Variants in CAPN3 observed in about 807,000 individuals in gnomAD.
CAPN3 encodes calpain-3.
CAPN3 carries 88 observed loss-of-function variants against 114.0 expected under a neutral mutation model. That is an observed-to-expected ratio of 0.77 (90% CI 0.65 to 0.92). CAPN3 has a LOEUF of 0.92. Ranked by LOEUF, CAPN3 falls within the 40% of genes least tolerant of loss-of-function variation. CAPN3 has a pLI of 0.00. For synonymous variants in CAPN3, 386 were observed against 382.9 expected (o/e 1.01, Z -0.09); for missense variants, 1,028 against 1,069.0 (o/e 0.96, Z 0.53).
At chr15:42,408,776 T>G (rs1363900931) in intron 16 of CAPN3, 2 of 328,342 alleles carry the variant, frequency 6.1e-6, no homozygotes, top group Admixed American at 8.3e-5. Flanking sequence ...TTAGTGGAGG[T>G]GAGCCTTAGA....
chr15:42,366,528 T>C (rs2052780498), intron 1 of CAPN3, among the ~76,000 whole-genome samples: 1 of 152,240 alleles, frequency 6.6e-6, no homozygotes, highest in African/African-American at 2.4e-5. Flanking sequence ...TGTGCTCACT[T>C]TCTGAACCCT....
intron 12 of CAPN3, 24 bp downstream of exon 12, chr15:42,402,159 A>G (rs780360627): frequency 1.7e-5 from 28 of 1,614,036 alleles, no homozygotes; most frequent in Non-Finnish European, 2.4e-5. Flanking sequence ...AGCGGCCAGC[A>G]GTTGTGTGCA....
chr15:42,381,038 C>A (rs1566972482), intron 1 of CAPN3, among the ~76,000 whole-genome samples: 1 of 152,116 alleles, frequency 6.6e-6, no homozygotes, highest in East Asian at 1.9e-4. Context: ...TAACAGAGAA[C>A]AAAGTATTAC....
In CAPN3 at chr15:42,399,603, G is replaced by C. The variant is rs747596881; in HGVS notation, c.1305G>C (p.Glu435Asp). ...KLQTWTVSVN[E>D]GRWVRGCSAG... ...AGACCTGGACAGTGTCTGTGAACGAGGGCCGCTGGGTACGGGGTTGCTCTG... is the reference window on the plus strand; with the variant it reads ...AGACCTGGACAGTGTCTGTGAACGACGGCCGCTGGGTACGGGGTTGCTCTG... Residue 435 changes from glutamate (E) to aspartate (D), a missense_variant, in exon 10 of 24, where the codon GAG becomes GAC. Transcript: ENST00000397163. The C allele has an allele frequency of 1.4e-5, 22 of 1,613,650 alleles. No individual in the cohort carries two copies. The highest frequency in any genetic ancestry group is 1.9e-5 in the Non-Finnish European group (22 of 1,179,900).
At chr15:42,403,698 C>T (rs553235091) in intron 13 of CAPN3, 43 bp from the exon 14 acceptor site, 1 of 1,593,930 alleles carries the variant, frequency 6.3e-7, no homozygotes, top group South Asian at 1.1e-5. Context: ...CTCCTGCTTG[C>T]TTCTGGTGAC....
In CAPN3 at chr15:42,394,260, C is replaced by T. The variant is rs746311413; in HGVS notation, c.1034C>T (p.Pro345Leu). 7 of 1,556,574 alleles carry T rather than the reference C, an allele frequency of 4.5e-6. No homozygotes were observed. Among genetic ancestry groups the T allele is most frequent in the African/African-American group, 2.7e-5 (2 of 73,394 alleles). Residue 345 changes from proline to leucine, a missense_variant, in exon 8 of 24, where the codon CCG (proline) becomes CTG (leucine). Coordinates refer to ENST00000397163, the MANE Select transcript of CAPN3 (RefSeq NM_000070.3). Reference protein sequence around the residue: ...AYSVTGLDEVPFKGEKVKLVR... With the variant: ...AYSVTGLDEVLFKGEKVKLVR... The stretch of plus-strand genomic sequence containing the variant: ...AGCTCTTTCTGTGTGCTTAAGGTCC[C>T]GTTCAAAGGTGAGAAAGTGAAGCTG...
chr15:42,389,622 G>A (rs1260191840), intron 5 of CAPN3, among the ~76,000 whole-genome samples: 1 of 152,198 alleles, frequency 6.6e-6, no homozygotes, highest in Non-Finnish European at 1.5e-5. Context: ...CTCCTTCAGG[G>A]GGCATGCCTT....
chr15:42,387,911 G>A, intron 4 of CAPN3, 25 bp downstream of exon 4: 1 of 1,614,130 alleles, frequency 6.2e-7, no homozygotes, highest in Non-Finnish European at 8.5e-7. Flanking sequence ...AGAATGTGAG[G>A]TGGGGCTAGA....
chr15:42,380,752 T>TATATA (rs1491298329), intron 1 of CAPN3, among the ~76,000 whole-genome samples: 44 of 37,766 alleles, frequency 1.2e-3, no homozygotes, highest in African/African-American at 4.6e-3. Flanking sequence ...TATATATATA[T>TATATA]TTTTTTTTTT....
In CAPN3 at chr15:42,410,645, C is replaced by A. The variant is rs768090444; in HGVS notation, c.2242C>A (p.Arg748=). 6.2e-7 allele frequency: 1 copy of A among 1,613,648 alleles called. No homozygotes were observed. Among genetic ancestry groups the A allele is most frequent in the Non-Finnish European group, 8.5e-7 (1 of 1,179,854 alleles). ...QSGTINSYEM[R]NAVNDAGFHL... ...CGGCACCATCAACAGCTACGAGATGCGAAATGCAGTCAACGACGCAGGTGC... is the reference window on the plus strand; with the variant it reads ...CGGCACCATCAACAGCTACGAGATGAGAAATGCAGTCAACGACGCAGGTGC... The change falls in exon 21 of 24, where the codon CGA becomes AGA. Residue 748 remains arginine (R), a synonymous_variant. Transcript: ENST00000397163.
At chr15:42,391,262 T>C (rs1337947933) in intron 6 of CAPN3, among the ~76,000 whole-genome samples, 2 of 152,222 alleles carry the variant, frequency 1.3e-5, no homozygotes, top group Non-Finnish European at 2.9e-5. Context: ...TATTCTAAAA[T>C]GCTATAACGA....
chr15:42,411,399 G>A (rs1405192067), intron 23 of CAPN3, 54 bp downstream of exon 23: 21 of 1,511,322 alleles, frequency 1.4e-5, no homozygotes, highest in Non-Finnish European at 1.8e-5. Context: ...AAGGTGGAGG[G>A]GTCAACGGGG....
At chr15:42,361,466 A>T (rs2141105948) in intron 1 of CAPN3, among the ~76,000 whole-genome samples, 1 of 152,222 alleles carries the variant, frequency 6.6e-6, no homozygotes, top group East Asian at 1.9e-4. Flanking sequence ...AGTGAGACCC[A>T]GTCTCAAACA....
intron 8 of CAPN3, 127 bp downstream of exon 8, chr15:42,394,468 C>A: frequency 1.3e-6 from 1 of 796,780 alleles, no homozygotes; most frequent in East Asian, 2.7e-5. Context: ...AACCAATGAT[C>A]CGCAGAGAAG....
At chr15:42,384,000 C>T (rs1037235473) in intron 1 of CAPN3, among the ~76,000 whole-genome samples, 4 of 152,182 alleles carry the variant, frequency 2.6e-5, no homozygotes, top group Admixed American at 6.5e-5. Flanking sequence ...TGTCTTTGCA[C>T]GAGTTTCTTA....
intron 1 of CAPN3, among the ~76,000 whole-genome samples, chr15:42,361,448 G>T (rs1359198957): frequency 6.6e-6 from 1 of 152,120 alleles, no homozygotes; most frequent in African/African-American, 2.4e-5. Flanking sequence ...TCCAGGCTGG[G>T]TGACAGGAGT....
intron 1 of CAPN3, among the ~76,000 whole-genome samples, 155 bp downstream of exon 1, chr15:42,360,269 A>T (rs1002885288): frequency 1.3e-5 from 2 of 152,024 alleles, no homozygotes; most frequent in Non-Finnish European, 2.9e-5. Context: ...AGCAGGGAGG[A>T]GAGGAACAGG....
chr15:42,404,675 G>C lies in CAPN3; in HGVS notation c.1782+898G>C. 4.2e-6 allele frequency: 5 copies of C among 1,186,152 alleles called. No individual in the cohort carries two copies. In the South Asian group the frequency reaches 7.9e-5, roughly 19 times the overall value. The allele number at this position is 1,186,152 out of a possible 1,614,324, so 73.5% of individuals were successfully genotyped here. Reference sequence around the variant, plus strand: ...GTCTTGTGACTGCCTTGGGGCTTTGGGCTGTAGTCAGCTGACAGTCCTTTG... The same window carrying C: ...GTCTTGTGACTGCCTTGGGGCTTTGCGCTGTAGTCAGCTGACAGTCCTTTG... On this transcript the variant is annotated intron_variant, in intron 14 of 23. Transcript: ENST00000397163.
rs28364403 is a variant in CAPN3 at position 42,387,017 on chromosome 15, T to G, written c.498+732T>G. Among the ~76,000 whole-genome samples the G allele has an allele frequency of 9.7e-3, 1,482 of 152,162 alleles. 31 individuals are homozygous for G. Among genetic ancestry groups the G allele is most frequent in the African/African-American group, 0.034 (1,424 of 41,508 alleles). ...GTCTTGCACCTCAGCACGGAAGGCCTCAGAAAAGGTCTGTCTCCAGGCTCA... is the reference window on the plus strand; with the variant it reads ...GTCTTGCACCTCAGCACGGAAGGCCGCAGAAAAGGTCTGTCTCCAGGCTCA... On this transcript the variant is annotated intron_variant, in intron 3 of 23. Coordinates refer to ENST00000397163, the MANE Select transcript of CAPN3 (RefSeq NM_000070.3).
Sources: gnomAD v4.1 joint callset for allele counts (sites outside exome capture counted in the v4.1 genomes callset) on GRCh38, gnomAD v4.1.1 for gene constraint, MANE v1.5 for transcripts, NCBI Gene and HGNC (gene_info 2026-07-23, HGNC 2026-07-21) for gene names.